OSBPL1A: variants seen among roughly 807,000 people sequenced by gnomAD.
OSBPL1A encodes the protein oxysterol-binding protein-related protein 1.
OSBPL1A carries 80 observed loss-of-function variants against 137.1 expected under a neutral mutation model. The observed-to-expected ratio is 0.58, with a 90% confidence interval of 0.49 to 0.70. OSBPL1A has a LOEUF of 0.70. OSBPL1A is among the 30% of genes least tolerant of loss of function. The pLI, the probability that OSBPL1A is intolerant of heterozygous loss-of-function variation, is 0.00. For synonymous variants in OSBPL1A, 365 were observed against 389.7 expected, an observed-to-expected ratio of 0.94 and a Z score of 0.75; for missense variants, 970 against 1,129.4, an observed-to-expected ratio of 0.86 and a Z score of 2.02.
chr18:24,245,573 A>G (rs1335216542), intron 15 of OSBPL1A, among the ~76,000 whole-genome samples: 2 of 152,144 alleles, frequency 1.3e-5, no homozygotes, highest in African/African-American at 4.8e-5. Context: ...AAGGTAGAGG[A>G]GGATGGAGCT....
chr18:24,204,631 A>T (rs2087318957), intron 17 of OSBPL1A, among the ~76,000 whole-genome samples: 1 of 150,748 alleles, frequency 6.6e-6, no homozygotes, highest in Non-Finnish European at 1.5e-5. Context: ...TCTCAAGTCC[A>T]TAACTCTACA....
chr18:24,245,994 G>A (rs867842686), intron 15 of OSBPL1A, among the ~76,000 whole-genome samples: 2 of 151,998 alleles, frequency 1.3e-5, no homozygotes, highest in Non-Finnish European at 2.9e-5. Context: ...TGGATCACCC[G>A]AGGTCAGGAG....
At chr18:24,362,200 CA>C in intron 4 of OSBPL1A, among the ~76,000 whole-genome samples, 1 of 149,566 alleles carries the variant, frequency 6.7e-6, no homozygotes. Flanking sequence ...AAATAGATGA[CA>C]ATAGAATTTT....
chr18:24,302,045 G>A lies in OSBPL1A; in HGVS notation c.1174+1592C>T, dbSNP rs563068547. On this transcript the variant is annotated intron_variant, in intron 14 of 27. Coordinates refer to ENST00000319481, the MANE Select transcript of OSBPL1A (RefSeq NM_080597.4). ...AGATCGAGAGCATCCTGGCTAACAC[G>A]GTGAAACCCCGTCTCTACTAAAAAT... 4.6e-5 allele frequency among the ~76,000 whole-genome samples: 7 copies of A among 152,092 alleles called. No homozygotes were observed. The South Asian group carries it at 1.0e-3, about 23-fold the overall frequency.
At chr18:24,367,016 T>A (rs766972078) in intron 3 of OSBPL1A, 50 bp from the exon 4 acceptor site, 1 of 1,480,304 alleles carries the variant, frequency 6.8e-7, no homozygotes, top group Admixed American at 2.0e-5. Context: ...ATGGTGAAAA[T>A]CATTCCTTCA....
At chr18:24,390,565 C>G (rs544656938) in intron 1 of OSBPL1A, among the ~76,000 whole-genome samples, 2 of 151,762 alleles carry the variant, frequency 1.3e-5, no homozygotes, top group East Asian at 1.9e-4. Flanking sequence ...CATGGTGGCA[C>G]ATGCCTGTAA....
intron 18 of OSBPL1A, among the ~76,000 whole-genome samples, chr18:24,187,243 T>C (rs374632423): frequency 4.0e-5 from 6 of 151,890 alleles, no homozygotes; most frequent in Admixed American, 6.6e-5. Flanking sequence ...GAAGGGGAAG[T>C]AGGGAAGTTG....
At chr18:24,392,464 C>A (rs1006976490) in intron 1 of OSBPL1A, among the ~76,000 whole-genome samples, 2 of 151,952 alleles carry the variant, frequency 1.3e-5, no homozygotes, top group Non-Finnish European at 2.9e-5. Context: ...CGGCCCTATA[C>A]TCTAATAAAG....
chr18:24,395,089 G>T (rs572478848), intron 1 of OSBPL1A, among the ~76,000 whole-genome samples: 4 of 152,290 alleles, frequency 2.6e-5, no homozygotes, highest in Middle Eastern at 3.4e-3. Flanking sequence ...TTACCTGACA[G>T]TGTCTTTTCT....
chr18:24,173,443 C>T (rs1011833922), intron 21 of OSBPL1A, among the ~76,000 whole-genome samples: 1 of 152,124 alleles, frequency 6.6e-6, no homozygotes. Flanking sequence ...GACAGAGTCT[C>T]GCTGTGTCAC....
Position 24,384,548 on chromosome 18 carries a change from A to G in OSBPL1A, c.-2-7013T>C, listed in dbSNP as rs1906810704. On this transcript the variant is annotated intron_variant, in intron 1 of 27. Transcript: ENST00000319481. ...ATGCCACAGCACTCCAGCCTGGGTG[A>G]CAGAGCGAGATCCTGTCTCAGAAAC... Among the ~76,000 whole-genome samples, 5 of 150,192 alleles carry G rather than the reference A, an allele frequency of 3.3e-5. No homozygotes were observed. In the South Asian group the frequency reaches 1.1e-3, roughly 32 times the overall value.
Position 24,311,964 on chromosome 18 carries a change from G to A in OSBPL1A, c.1092+20C>T. 1 of 1,613,492 alleles carries A rather than the reference G, an allele frequency of 6.2e-7. No homozygotes were observed. On this transcript the variant is annotated intron_variant, in intron 13 of 27. Transcript: ENST00000319481. ...ATGACATAGATAGCTATAAAGGTCA[G>A]GTTACATTTTCCTATTTACCTCTAA...
intron 4 of OSBPL1A, among the ~76,000 whole-genome samples, chr18:24,344,115 A>C (rs1263283831): frequency 6.6e-6 from 1 of 152,240 alleles, no homozygotes; most frequent in Non-Finnish European, 1.5e-5. Context: ...ACAAATAACC[A>C]GATTAAAAAA....
intron 15 of OSBPL1A, among the ~76,000 whole-genome samples, chr18:24,247,360 C>A (rs975440710): frequency 6.6e-6 from 1 of 152,228 alleles, no homozygotes; most frequent in African/African-American, 2.4e-5. Context: ...TTGACAAGGG[C>A]AGCTTCAGTG....
intron 4 of OSBPL1A, chr18:24,357,394 G>T (rs2146180573): frequency 6.6e-6 from 1 of 152,272 alleles, no homozygotes; most frequent in South Asian, 2.1e-4. Context: ...CAGACAAAAT[G>T]GGGCAGGGGA....
intron 15 of OSBPL1A, among the ~76,000 whole-genome samples, chr18:24,270,544 C>T (rs377413622): frequency 1.3e-5 from 2 of 152,252 alleles, no homozygotes; most frequent in Admixed American, 6.5e-5. Flanking sequence ...TTTAAAACTC[C>T]AGTCTGGCAA....
At chr18:24,369,698 A>G (rs1432622202) in intron 2 of OSBPL1A, among the ~76,000 whole-genome samples, 3 of 152,244 alleles carry the variant, frequency 2.0e-5, no homozygotes, top group South Asian at 4.1e-4. Flanking sequence ...TTTGCCATTT[A>G]CCCAAACTCC....
At chr18:24,309,609 T>C (rs1037022552) in intron 13 of OSBPL1A, among the ~76,000 whole-genome samples, 8 of 152,212 alleles carry the variant, frequency 5.3e-5, no homozygotes, top group Non-Finnish European at 8.8e-5. Flanking sequence ...AATTGGCCCC[T>C]GAATTTCACT....
chr18:24,310,046 C>CAAAAAAAAAAAAAAAAAAA (rs56309417), intron 13 of OSBPL1A, among the ~76,000 whole-genome samples: 1 of 90,608 alleles, frequency 1.1e-5, no homozygotes, highest in Non-Finnish European at 2.0e-5. Context: ...GACTCTGTCT[C>CAAAAAAAAAAAAAAAAAAA]AAAAAAAAAA....
Sources: gnomAD v4.1 joint callset for allele counts (sites outside exome capture counted in the v4.1 genomes callset) on GRCh38, gnomAD v4.1.1 for gene constraint, MANE v1.5 for transcripts, NCBI Gene and HGNC (gene_info 2026-07-23, HGNC 2026-07-21) for gene names.